FIBCD1: variants seen among roughly 807,000 people sequenced by gnomAD.
The protein encoded by FIBCD1 is fibrinogen C domain-containing protein 1.
Under a neutral mutation model 45.1 loss-of-function variants are expected in FIBCD1, and 47 were observed. The observed-to-expected ratio is 1.04, with a 90% CI of 0.82 to 1.33. The LOEUF is 1.33. Among genes scored for constraint, FIBCD1 ranks in the 40% most tolerant of loss-of-function variants. The pLI is 0.00. For missense variants in FIBCD1, 653 were observed against 682.2 expected (o/e 0.96, Z 0.48); for synonymous variants, 313 against 308.1 (o/e 1.02, Z -0.17).
chr9:130,920,279 A>G (rs1281283115), intron 4 of FIBCD1, among the ~76,000 whole-genome samples: 1 of 152,076 alleles, frequency 6.6e-6, no homozygotes, highest in Admixed American at 6.5e-5. Context: ...CTTGATTATA[A>G]GATGCTACAA....
chr9:130,939,432 G>A (rs1016996681), upstream of FIBCD1: 6 of 152,208 alleles, frequency 3.9e-5, no homozygotes, highest in Non-Finnish European at 7.3e-5. Flanking sequence ...CCCAGCTGTG[G>A]GGTCTCCAGC....
intron 2 of FIBCD1, among the ~76,000 whole-genome samples, chr9:130,928,882 C>T (rs887423433): frequency 1.3e-5 from 2 of 151,884 alleles, no homozygotes; most frequent in Admixed American, 1.3e-4. Flanking sequence ...ATGAGACGAT[C>T]CCAAATCCCT....
At chr9:130,914,505 C>T (rs1304731316) in intron 4 of FIBCD1, among the ~76,000 whole-genome samples, 6 of 152,212 alleles carry the variant, frequency 3.9e-5, no homozygotes, top group Non-Finnish European at 8.8e-5. Context: ...GCCTGCTGGG[C>T]GGGGCAGAAA....
chr9:130,914,476 G>C (rs1443201546), intron 4 of FIBCD1, among the ~76,000 whole-genome samples: 1 of 152,238 alleles, frequency 6.6e-6, no homozygotes, highest in African/African-American at 2.4e-5. Flanking sequence ...GGAGGGGCAG[G>C]GTCCTGGGCC....
intron 4 of FIBCD1, among the ~76,000 whole-genome samples, chr9:130,916,225 A>G (rs75516285): frequency 0.13 from 19,880 of 152,270 alleles, 1,344 homozygotes; most frequent in Admixed American, 0.15. Flanking sequence ...CACCGCGCCC[A>G]GCCTTAGTGC....
Position 130,923,804 on chromosome 9 carries a change from G to A in FIBCD1, c.789C>T (p.Thr263=), listed in dbSNP as rs751065798. Residue 263 remains threonine, a synonymous_variant, in exon 4 of 7, where the codon ACC becomes ACT. Coordinates refer to ENST00000372338, the MANE Select transcript of FIBCD1 (RefSeq NM_032843.5). ...ACACCTGGAAGCCGGCCGGGTAGTG[G>A]GTGGGAAAGACAGAGTAGACGCCAT... ...QDDGVYSVFP[T]HYPAGFQVYC... The A allele has an allele frequency of 1.9e-6, 3 of 1,612,948 alleles. No homozygotes were observed. Among genetic ancestry groups the A allele is most frequent in the Non-Finnish European group, 8.5e-7 (1 of 1,180,002 alleles).
upstream of FIBCD1, among the ~76,000 whole-genome samples, chr9:130,940,055 C>G (rs923048186): frequency 6.6e-6 from 1 of 152,252 alleles, no homozygotes; most frequent in Non-Finnish European, 1.5e-5. Context: ...GCTCCCGGGG[C>G]GCCTTGGCCG....
chr9:130,918,726 C>T (rs1396632254), intron 4 of FIBCD1, among the ~76,000 whole-genome samples: 1 of 152,226 alleles, frequency 6.6e-6, no homozygotes, highest in Non-Finnish European at 1.5e-5. Context: ...TTCTGGACAC[C>T]TCTGGGCAGT....
At chr9:130,927,777 C>T (rs535947368) in intron 2 of FIBCD1, among the ~76,000 whole-genome samples, 55 of 152,336 alleles carry the variant, frequency 3.6e-4, no homozygotes, top group African/African-American at 1.3e-3. Context: ...CGAGCAATTT[C>T]CCTGCCTCAG....
At chr9:130,908,886 CA>C (rs982349104) in intron 5 of FIBCD1, among the ~76,000 whole-genome samples, 1 of 152,092 alleles carries the variant, frequency 6.6e-6, no homozygotes, top group African/African-American at 2.4e-5. Flanking sequence ...AGATCTTGCC[CA>C]GGGGCCTCCA....
intron 1 of FIBCD1, among the ~76,000 whole-genome samples, chr9:130,933,465 C>A (rs1317764287): frequency 2.0e-5 from 3 of 152,140 alleles, no homozygotes; most frequent in Non-Finnish European, 4.4e-5. Context: ...GAGCCGGGAG[C>A]CCTGGGTTCA....
intron 1 of FIBCD1, 34 bp from the exon 2 acceptor site, chr9:130,930,080 A>C: frequency 6.7e-7 from 1 of 1,485,124 alleles, no homozygotes; most frequent in Non-Finnish European, 8.9e-7. Flanking sequence ...AGACACAGAC[A>C]GACAGACGGG....
At chr9:130,925,279 T>C (rs1012269492) in intron 2 of FIBCD1, among the ~76,000 whole-genome samples, 1 of 152,142 alleles carries the variant, frequency 6.6e-6, no homozygotes, top group Non-Finnish European at 1.5e-5. Flanking sequence ...GAGCAATCCC[T>C]GAGAGCGAAG....
rs576402865 is a variant in FIBCD1, at chr9:130,919,096, C to T, written c.849+4648G>A. ...CTGCCGGCTCTTGGCACAGCACTGC[C>T]AAGCTGCCGTTTCTCGGGTGCTGAG... On this transcript the variant is annotated intron_variant, in intron 4 of 6. Transcript: ENST00000372338. 2.0e-5 allele frequency among the ~76,000 whole-genome samples: 3 copies of T among 152,340 alleles called. No homozygotes were observed. The South Asian group carries it at 6.2e-4, about 32-fold the overall frequency.
intron 4 of FIBCD1, among the ~76,000 whole-genome samples, chr9:130,915,706 AAAAT>A (rs1564335819): frequency 6.6e-6 from 1 of 151,996 alleles, no homozygotes; most frequent in Admixed American, 6.6e-5. Context: ...CTGTCTCAAA[AAAAT>A]AAAAAAATAA....
rs1831873424 is a variant in FIBCD1, at chr9:130,903,682, C to T, written c.*382G>A. On this transcript the variant is annotated 3_prime_UTR_variant, in exon 7 of 7. Coordinates refer to ENST00000372338, the MANE Select transcript of FIBCD1 (RefSeq NM_032843.5). The stretch of plus-strand genomic sequence containing the variant: ...CTCCAGGGGTGCTGTCTGCCCCCTG[C>T]TCTCTGTCCCCATAATGCCGGGTAT... The T allele has an allele frequency of 2.7e-6, 1 of 374,774 alleles. No homozygotes were observed. The highest frequency in any genetic ancestry group is 5.1e-6 in the Non-Finnish European group (1 of 194,658). 23.2% of individuals were successfully genotyped at this position (374,774 alleles called of 1,614,324 possible).
intron 1 of FIBCD1, among the ~76,000 whole-genome samples, chr9:130,934,990 C>A (rs1322838248): frequency 6.6e-6 from 1 of 152,152 alleles, no homozygotes; most frequent in African/African-American, 2.4e-5. Flanking sequence ...GGTTTGCAAT[C>A]GCCCCGACCT....
rs1253403080 is a variant in FIBCD1, at chr9:130,929,776, C to A, written c.343G>T (p.Val115Leu). 4.5e-6 allele frequency: 7 copies of A among 1,557,334 alleles called. No individual in the cohort carries two copies. The highest frequency in any genetic ancestry group is 6.1e-6 in the Non-Finnish European group (7 of 1,150,930). ...FARLESAQASVLQALTEHQAQ... is the reference protein window; with the variant it reads ...FARLESAQASLLQALTEHQAQ... ...TGGTGCTCTGTCAGCGCCTGCAGCA[C>A]CGAGGCCTGGGCGCTCTCCAGGCGT... Residue 115 changes from valine (V) to leucine (L), a missense_variant, in exon 2 of 7, where the codon GTG (valine) becomes TTG (leucine). By Grantham distance (32) the Val-to-Leu change is conservative. Transcript: ENST00000372338.
In FIBCD1 at chr9:130,926,915, G is replaced by T. The variant is rs559946341; in HGVS notation, c.553-2519C>A. Among the ~76,000 whole-genome samples, 31 of 152,092 alleles carry T rather than the reference G, an allele frequency of 2.0e-4. No individual in the cohort carries two copies. The highest frequency in any genetic ancestry group is 2.8e-4 in the Non-Finnish European group (19 of 68,020). ...ATGGGGCTGCAAAGTGCCTATTAACGCGGAGCCCAGCACATGGTATAGGCC... is the reference window on the plus strand; with the variant it reads ...ATGGGGCTGCAAAGTGCCTATTAACTCGGAGCCCAGCACATGGTATAGGCC... On this transcript the variant is annotated intron_variant, in intron 2 of 6. Coordinates refer to ENST00000372338, the MANE Select transcript of FIBCD1 (RefSeq NM_032843.5). The surrounding 1 kb of genome is among the most constrained non-coding windows in gnomAD (Gnocchi z 4.1).
Sources: allele counts gnomAD v4.1 joint callset (sites outside exome capture counted in the v4.1 genomes callset), GRCh38; gene constraint gnomAD v4.1.1; non-coding constraint Gnocchi (gnomAD v3.1); transcripts MANE v1.5; gene names NCBI Gene and HGNC (gene_info 2026-07-23, HGNC 2026-07-21).